LHFPL2: variants seen among roughly 807,000 people sequenced by gnomAD.
LHFPL2 encodes the protein LHFPL tetraspan subfamily member 2.
A neutral mutation model predicts 17.5 loss-of-function variants in LHFPL2; 7 were observed. That is an observed-to-expected ratio of 0.40 (90% confidence interval 0.23 to 0.75). LHFPL2 has a LOEUF of 0.75. Ranked by LOEUF, LHFPL2 falls within the 30% of genes least tolerant of loss-of-function variation. The pLI, the probability that LHFPL2 is intolerant of heterozygous loss-of-function variation, is 0.37. For synonymous variants in LHFPL2, 134 were observed against 116.2 expected, an observed-to-expected ratio of 1.15 and a Z score of -0.99; for missense variants, 241 against 294.8, an observed-to-expected ratio of 0.82 and a Z score of 1.34.
chr5:78,634,492 C>T (rs939296457), intron 1 of LHFPL2, among the ~76,000 whole-genome samples: 1 of 152,246 alleles, frequency 6.6e-6, no homozygotes, highest in Non-Finnish European at 1.5e-5. Flanking sequence ...TGCCCCTGTG[C>T]CTATGGTCCC....
At chr5:78,551,652 GTCC>G in intron 3 of LHFPL2, among the ~76,000 whole-genome samples, 1 of 152,256 alleles carries the variant, frequency 6.6e-6, no homozygotes, top group South Asian at 2.1e-4. Context: ...TCTTTCTCCT[GTCC>G]TCCTATGTCT....
At chr5:78,591,824 G>GCAAA (rs1743636524) in intron 2 of LHFPL2, among the ~76,000 whole-genome samples, 1 of 152,214 alleles carries the variant, frequency 6.6e-6, no homozygotes, top group African/African-American at 2.4e-5. Context: ...GGCAGCAAGA[G>GCAAA]CAAACACAAG....
chr5:78,543,248 G>A (rs527806127), intron 3 of LHFPL2, among the ~76,000 whole-genome samples: 5 of 152,210 alleles, frequency 3.3e-5, no homozygotes, highest in Admixed American at 6.5e-5. Flanking sequence ...ACCGCAGATC[G>A]GCAACCTGTT....
At chr5:78,573,154 C>T (rs112909186) in intron 2 of LHFPL2, among the ~76,000 whole-genome samples, 7 of 152,060 alleles carry the variant, frequency 4.6e-5, no homozygotes, top group African/African-American at 9.6e-5. Flanking sequence ...TTTCCTGGAA[C>T]GGGGAGTACA....
intron 2 of LHFPL2, among the ~76,000 whole-genome samples, chr5:78,598,426 G>T (rs887262634): frequency 2.6e-5 from 4 of 152,162 alleles, no homozygotes; most frequent in African/African-American, 9.7e-5. Flanking sequence ...AATGAAGGTG[G>T]TTATTCAAGA....
At chr5:78,576,050 CT>C (rs1295592889) in intron 2 of LHFPL2, among the ~76,000 whole-genome samples, 1 of 152,212 alleles carries the variant, frequency 6.6e-6, no homozygotes, top group Non-Finnish European at 1.5e-5. Context: ...AATCCCAGCA[CT>C]TTGGGAGGCC....
intron 4 of LHFPL2, among the ~76,000 whole-genome samples, chr5:78,507,991 C>T (rs952007883): frequency 2.0e-5 from 3 of 151,212 alleles, no homozygotes; most frequent in South Asian, 2.1e-4. Flanking sequence ...CCTGAGGCAC[C>T]GTGTGTCCAA....
In LHFPL2 at chr5:78,615,126, A is replaced by G. The variant is rs147695865; in HGVS notation, c.-245+17138T>C. ...GTTGATGTCTGTACAAGCATTTAGG[A>G]TCCCTGGTCTCTATTCCCTGACAGC... is the stretch of plus-strand genomic sequence containing the variant. On this transcript the variant is annotated intron_variant, in intron 2 of 4. Transcript: ENST00000380345. Among the ~76,000 whole-genome samples, 898 of 152,288 alleles carry G rather than the reference A, an allele frequency of 5.9e-3. 8 individuals are homozygous for G. The highest frequency in any genetic ancestry group is 0.02 in the African/African-American group (841 of 41,554).
chr5:78,533,223 C>T (rs977334763), intron 3 of LHFPL2, among the ~76,000 whole-genome samples: 3 of 152,128 alleles, frequency 2.0e-5, no homozygotes, highest in Non-Finnish European at 4.4e-5. Context: ...GATACTGCTC[C>T]CAATAAAAGA....
At chr5:78,505,606 C>G (rs1403513878) in intron 4 of LHFPL2, among the ~76,000 whole-genome samples, 2 of 152,204 alleles carry the variant, frequency 1.3e-5, no homozygotes, top group East Asian at 3.8e-4. Context: ...CACAGGCAGG[C>G]TCTTAAGGAC....
chr5:78,645,560 A>G (rs1745838633), intron 1 of LHFPL2, among the ~76,000 whole-genome samples: 1 of 148,962 alleles, frequency 6.7e-6, no homozygotes, highest in African/African-American at 2.5e-5. Flanking sequence ...ACACACACAC[A>G]CACACACACA....
chr5:78,642,642 CGTAAAAAGA>C (rs1745713246), intron 1 of LHFPL2, among the ~76,000 whole-genome samples: 1 of 152,116 alleles, frequency 6.6e-6, no homozygotes, highest in East Asian at 1.9e-4. Flanking sequence ...TTGCCACTAC[CGTAAAAAGA>C]ACTCCCTCTA....
At chr5:78,518,575 G>C (rs1755355722) in intron 3 of LHFPL2, among the ~76,000 whole-genome samples, 1 of 152,230 alleles carries the variant, frequency 6.6e-6, no homozygotes, top group Non-Finnish European at 1.5e-5. Flanking sequence ...GCTGCCAGTA[G>C]CCATAGGTAC....
chr5:78,611,525 TG>T (rs1744422969), intron 2 of LHFPL2, among the ~76,000 whole-genome samples: 1 of 152,072 alleles, frequency 6.6e-6, no homozygotes, highest in Admixed American at 6.5e-5. Context: ...GGAAAAAGAC[TG>T]GGAAGTCCCT....
intron 3 of LHFPL2, among the ~76,000 whole-genome samples, chr5:78,559,202 G>A (rs1359854754): frequency 6.6e-6 from 1 of 152,140 alleles, no homozygotes; most frequent in Non-Finnish European, 1.5e-5. Context: ...AAATTTTGTG[G>A]CTTCCCAAAT....
intron 2 of LHFPL2, among the ~76,000 whole-genome samples, chr5:78,584,560 C>T (rs1366107185): frequency 2.0e-5 from 3 of 152,122 alleles, no homozygotes; most frequent in African/African-American, 4.8e-5. Context: ...TGTCAGTCTG[C>T]CCCTGCTGGG....
At chr5:78,638,270 G>C (rs887872708) in intron 1 of LHFPL2, among the ~76,000 whole-genome samples, 3 of 152,274 alleles carry the variant, frequency 2.0e-5, no homozygotes, top group Admixed American at 1.3e-4. Context: ...CAGGAGAATG[G>C]TGTAACCAGG....
intron 3 of LHFPL2, among the ~76,000 whole-genome samples, chr5:78,511,532 T>C (rs1163009103): frequency 5.3e-5 from 8 of 152,228 alleles, no homozygotes; most frequent in African/African-American, 1.7e-4. Context: ...CTGCTCTGAA[T>C]GATTAGATCT....
At chr5:78,532,894 G>A (rs1333287902) in intron 3 of LHFPL2, among the ~76,000 whole-genome samples, 5 of 152,178 alleles carry the variant, frequency 3.3e-5, no homozygotes, top group Admixed American at 1.3e-4. Context: ...CCCCAATGGT[G>A]AGCCAGGCTG....
Sources: gnomAD v4.1 joint callset for allele counts (sites outside exome capture counted in the v4.1 genomes callset) on GRCh38, gnomAD v4.1.1 for gene constraint, MANE v1.5 for transcripts, NCBI Gene and HGNC (gene_info 2026-07-23, HGNC 2026-07-21) for gene names.